ADAMTS19: variants seen among roughly 807,000 people sequenced by gnomAD.
ADAMTS19 encodes A disintegrin and metalloproteinase with thrombospondin motifs 19.
Under a neutral mutation model 153.3 loss-of-function variants are expected in ADAMTS19, and 93 were observed. The observed-to-expected ratio is 0.61, with a 90% CI of 0.51 to 0.72. The LOEUF (loss-of-function observed/expected upper bound fraction) is 0.72, where lower values mean the gene tolerates loss of function less well. Among genes scored for constraint, ADAMTS19 ranks in the 30% least tolerant of loss-of-function variants. ADAMTS19 has a pLI of 0.00. For synonymous variants in ADAMTS19, 600 were observed against 556.6 expected, an observed-to-expected ratio of 1.08 and a Z score of -1.10; for missense variants, 1,482 against 1,552.1, an observed-to-expected ratio of 0.95 and a Z score of 0.76.
chr5:129,596,552 T>C lies in ADAMTS19; in HGVS notation c.1373-7T>C. 1 of 1,546,228 alleles carries C rather than the reference T, an allele frequency of 6.5e-7. No individual in the cohort carries two copies. Among genetic ancestry groups the C allele is most frequent in the Non-Finnish European group, 8.8e-7 (1 of 1,133,788 alleles). On this transcript the variant is annotated splice_region_variant and splice_polypyrimidine_tract_variant and intron_variant, in intron 7 of 22. Coordinates refer to ENST00000274487, the MANE Select transcript of ADAMTS19 (RefSeq NM_133638.6). ...GACATATAATAATTAATGTTTGTAT[T>C]TTTTAGGTATAGCTTACTTGAGTGG...
At chr5:129,682,205 A>G (rs185218454) in intron 17 of ADAMTS19, among the ~76,000 whole-genome samples, 37 of 152,340 alleles carry the variant, frequency 2.4e-4, no homozygotes, top group African/African-American at 8.2e-4. Context: ...AAAAGAAGGC[A>G]TCTATGTGAC....
chr5:129,618,338 A>G (rs1751622578), intron 8 of ADAMTS19, among the ~76,000 whole-genome samples: 1 of 152,048 alleles, frequency 6.6e-6, no homozygotes. Flanking sequence ...AAAGACAAGT[A>G]TGATTCACTG....
At chr5:129,627,981 A>G (rs966020770) in intron 10 of ADAMTS19, among the ~76,000 whole-genome samples, 2 of 152,074 alleles carry the variant, frequency 1.3e-5, no homozygotes, top group Non-Finnish European at 2.9e-5. Context: ...AAATCATTCT[A>G]CTATAAAGAC....
At chr5:129,522,193 AT>A (rs773792589) in intron 3 of ADAMTS19, among the ~76,000 whole-genome samples, 57 of 145,608 alleles carry the variant, frequency 3.9e-4, no homozygotes, top group Middle Eastern at 7.1e-3. Flanking sequence ...TTGAAAAAAA[AT>A]ATATATATAT....
intron 10 of ADAMTS19, 89 bp from the exon 11 acceptor site, chr5:129,641,770 C>A: frequency 1.5e-6 from 1 of 671,118 alleles, no homozygotes; most frequent in Non-Finnish European, 2.4e-6. Context: ...TTTTGTTATT[C>A]TATCAAAATA....
intron 21 of ADAMTS19, among the ~76,000 whole-genome samples, chr5:129,709,801 C>T (rs910834348): frequency 6.6e-6 from 1 of 152,114 alleles, no homozygotes. Context: ...GCAGTCAATA[C>T]AAGTGACTTG....
chr5:129,492,694 T>G (rs1323224362), intron 2 of ADAMTS19, among the ~76,000 whole-genome samples: 1 of 152,162 alleles, frequency 6.6e-6, no homozygotes, highest in Non-Finnish European at 1.5e-5. Context: ...TACCAGTCTG[T>G]TTTCCTGTGA....
intron 8 of ADAMTS19, among the ~76,000 whole-genome samples, chr5:129,618,074 A>C (rs1043022787): frequency 6.7e-6 from 1 of 148,222 alleles, no homozygotes; most frequent in Non-Finnish European, 1.5e-5. Context: ...AGGCAGGTTT[A>C]TTTATTGTTA....
At chr5:129,664,547 G>T (rs977745592) in intron 15 of ADAMTS19, among the ~76,000 whole-genome samples, 2 of 151,968 alleles carry the variant, frequency 1.3e-5, no homozygotes, top group Non-Finnish European at 1.5e-5. Flanking sequence ...ACCACCAGGG[G>T]GGGTATATGC....
In ADAMTS19 at chr5:129,504,872, G is replaced by GACACACACACACACAC. The variant is rs34742030; in HGVS notation, c.748-4188_748-4173dup. On this transcript the variant is annotated intron_variant, in intron 2 of 22. Coordinates refer to ENST00000274487, the MANE Select transcript of ADAMTS19 (RefSeq NM_133638.6). ...GTAGTATTCTGTCTACACACACACAGACACACACACACACACACACACACA... is the reference window on the plus strand; with the variant it reads ...GTAGTATTCTGTCTACACACACACAGACACACACACACACACACACACACACACACACACACACACA... Among the ~76,000 whole-genome samples the GACACACACACACACAC allele has an allele frequency of 2.9e-3, 426 of 148,202 alleles. 2 individuals are homozygous for GACACACACACACACAC. The highest frequency in any genetic ancestry group is 0.014 in the East Asian group (67 of 4,934).
intron 2 of ADAMTS19, among the ~76,000 whole-genome samples, chr5:129,483,523 T>A (rs1158581946): frequency 6.6e-6 from 1 of 152,154 alleles, no homozygotes; most frequent in East Asian, 1.9e-4. Context: ...CCAGAATGTA[T>A]GCAGACATTG....
chr5:129,728,227 C>T (rs1325502949), intron 21 of ADAMTS19, among the ~76,000 whole-genome samples: 1 of 152,244 alleles, frequency 6.6e-6, no homozygotes, highest in East Asian at 1.9e-4. Context: ...GGGAATTGCC[C>T]ACCTCTGTCC....
At chr5:129,581,755 C>T (rs937432310) in intron 7 of ADAMTS19, among the ~76,000 whole-genome samples, 3 of 152,080 alleles carry the variant, frequency 2.0e-5, no homozygotes, top group African/African-American at 7.2e-5. Flanking sequence ...TATAAATTTC[C>T]CTCTAAATAC....
chr5:129,461,124 C>A lies in ADAMTS19; in HGVS notation c.114C>A (p.Arg38=). The A allele has an allele frequency of 7.0e-7, 1 of 1,419,884 alleles. No homozygotes were observed. Among genetic ancestry groups the A allele is most frequent in the Non-Finnish European group, 9.2e-7 (1 of 1,085,026 alleles). 88.0% of individuals were successfully genotyped at this position (1,419,884 alleles called of 1,614,324 possible). The change falls in exon 2 of 23, where the codon CGC becomes CGA. Residue 38 remains arginine (R), a synonymous_variant. Coordinates refer to ENST00000274487, the MANE Select transcript of ADAMTS19 (RefSeq NM_133638.6). This position sits in a 1 kb window ranked among gnomAD's most constrained non-coding sequence, Gnocchi z 4.6. ...CAGAGCTGCAGTTCGCCCCCGACCG[C>A]GAGGAGTGGGAAGTCGTGTTTCCTG... ...IVSELQFAPD[R]EEWEVVFPAL...
intron 8 of ADAMTS19, among the ~76,000 whole-genome samples, chr5:129,605,578 T>C (rs934235405): frequency 7.9e-5 from 12 of 152,196 alleles, no homozygotes; most frequent in African/African-American, 2.2e-4. Context: ...CCCCTTTGCC[T>C]TCCTTAATTT....
chr5:129,695,096 T>C (rs1049030649), intron 19 of ADAMTS19, among the ~76,000 whole-genome samples: 2 of 152,178 alleles, frequency 1.3e-5, no homozygotes, highest in Non-Finnish European at 2.9e-5. Flanking sequence ...GATCACTTTT[T>C]ATTTAAAATC....
chr5:129,688,746 G>A (rs940825525), intron 18 of ADAMTS19, among the ~76,000 whole-genome samples: 1 of 152,062 alleles, frequency 6.6e-6, no homozygotes, highest in African/African-American at 2.4e-5. Context: ...TATTTGAATT[G>A]ACATATCATT....
chr5:129,651,516 C>T (rs1753313399), intron 13 of ADAMTS19, among the ~76,000 whole-genome samples: 1 of 152,154 alleles, frequency 6.6e-6, no homozygotes, highest in African/African-American at 2.4e-5. Flanking sequence ...CATTCCACCC[C>T]TTAGATACAT....
At chr5:129,582,167 T>C (rs554834124) in intron 7 of ADAMTS19, among the ~76,000 whole-genome samples, 1 of 149,274 alleles carries the variant, frequency 6.7e-6, no homozygotes, top group Admixed American at 6.8e-5. Flanking sequence ...TAATTTTCTG[T>C]CTCATTGATC....
Sources: gnomAD v4.1 joint callset for allele counts (sites outside exome capture counted in the v4.1 genomes callset) on GRCh38, gnomAD v4.1.1 for gene constraint, Gnocchi (gnomAD v3.1) non-coding constraint, MANE v1.5 for transcripts, NCBI Gene and HGNC (gene_info 2026-07-23, HGNC 2026-07-21) for gene names.